The following ANO2 variants were observed in gnomAD, a reference collection of about 807,000 sequenced individuals.
ANO2 encodes the protein anoctamin-2.
In ANO2, 101 loss-of-function variants were observed where a neutral mutation model predicts 124.2. The observed-to-expected ratio is 0.81, with a 90% CI of 0.69 to 0.96. The LOEUF (loss-of-function observed/expected upper bound fraction) is 0.96. ANO2 is among the 40% of genes least tolerant of loss of function. The pLI is 0.00. For synonymous variants in ANO2, 486 were observed against 482.5 expected (o/e 1.01, Z -0.09); for missense variants, 1,293 against 1,274.5 (o/e 1.01, Z -0.22).
At chr12:5,740,145 G>A (rs989663076) in intron 12 of ANO2, 17 of 366,052 alleles carry the variant, frequency 4.6e-5, no homozygotes, top group African/African-American at 3.4e-4. Flanking sequence ...CTACAGCCAT[G>A]GTTTGTTATA....
At chr12:5,899,301 C>T (rs1384747593) in intron 3 of ANO2, among the ~76,000 whole-genome samples, 1 of 152,150 alleles carries the variant, frequency 6.6e-6, no homozygotes, top group Admixed American at 6.5e-5. Flanking sequence ...GTGCATGATT[C>T]CCATCTTCAG....
chr12:5,904,526 G>A lies in ANO2; in HGVS notation c.534+16514C>T, dbSNP rs561392376. Among the ~76,000 whole-genome samples, 247 of 152,284 alleles carry A rather than the reference G, an allele frequency of 1.6e-3. No individual in the cohort carries two copies. The highest frequency in any genetic ancestry group is 5.5e-3 in the African/African-American group (229 of 41,558). On this transcript the variant is annotated intron_variant, in intron 3 of 24. Coordinates refer to ENST00000682330, the MANE Select transcript of ANO2 (RefSeq NM_001364791.2). This position sits in a 1 kb window ranked among gnomAD's most constrained non-coding sequence, Gnocchi z 4.1. ...GATGCCTGTAGCACGAATGAGCGGC[G>A]CACACACCTGTGGGTTTATCCCAGT...
Position 5,635,466 on chromosome 12 carries a change from G to C in ANO2, c.1621-119C>G, listed in dbSNP as rs1945966325. ...TATTATTAATCTGGAATCTTTTGTTGGGTAACAAGGGATTCCAGATATTAT... is the reference window on the plus strand; with the variant it reads ...TATTATTAATCTGGAATCTTTTGTTCGGTAACAAGGGATTCCAGATATTAT... On this transcript the variant is annotated intron_variant, in intron 15 of 24. Coordinates refer to ENST00000682330, the MANE Select transcript of ANO2 (RefSeq NM_001364791.2). This position sits in a 1 kb window ranked among gnomAD's most constrained non-coding sequence, Gnocchi z 5.2. The C allele has an allele frequency of 1.2e-6, 1 of 831,402 alleles. No homozygotes were observed. Among genetic ancestry groups the C allele is most frequent in the Non-Finnish European group, 1.7e-6 (1 of 597,410 alleles). The allele number at this position is 831,402 out of a possible 1,614,324, so 51.5% of individuals were successfully genotyped here.
intron 4 of ANO2, among the ~76,000 whole-genome samples, chr12:5,849,024 T>C (rs1954780853): frequency 6.6e-6 from 1 of 152,236 alleles, no homozygotes; most frequent in Non-Finnish European, 1.5e-5. Context: ...CATGGAGCTC[T>C]GAGCCTGCTT....
At chr12:5,832,731 G>A (rs1954196315) in intron 4 of ANO2, 128 bp from the exon 5 acceptor site, 1 of 1,094,770 alleles carries the variant, frequency 9.1e-7, no homozygotes, top group East Asian at 2.6e-5. Context: ...GAGACTGGGA[G>A]AAACAAGAAG....
intron 7 of ANO2, among the ~76,000 whole-genome samples, chr12:5,814,682 G>T (rs1953547518): frequency 1.3e-5 from 2 of 152,332 alleles, no homozygotes; most frequent in South Asian, 4.1e-4. Flanking sequence ...CATTCCCCAG[G>T]TCCACAACAT....
At chr12:5,633,851 CAGT>C (rs1302042492) in intron 16 of ANO2, among the ~76,000 whole-genome samples, 3 of 152,140 alleles carry the variant, frequency 2.0e-5, no homozygotes, top group Non-Finnish European at 4.4e-5. Context: ...TCACTCCCTT[CAGT>C]GCCGTGTTTC....
chr12:5,919,750 T>G (rs1053617927), intron 3 of ANO2, among the ~76,000 whole-genome samples: 7 of 151,192 alleles, frequency 4.6e-5, no homozygotes, highest in Non-Finnish European at 7.4e-5. Context: ...CAGGCTGGAG[T>G]GCAGTGGCGC....
chr12:5,711,161 A>G (rs1236546502), intron 14 of ANO2, among the ~76,000 whole-genome samples: 1 of 151,848 alleles, frequency 6.6e-6, no homozygotes, highest in Non-Finnish European at 1.5e-5. Context: ...CTGTCTCAAA[A>G]AAAAAAAAAA....
At chr12:5,740,113 T>G (rs1452992278) in intron 12 of ANO2, 5 of 398,944 alleles carry the variant, frequency 1.3e-5, no homozygotes, top group African/African-American at 2.1e-5. Context: ...AGGAAGAACC[T>G]GATACCCCCA....
rs1312605956 is a variant in ANO2 at position 5,563,031 on chromosome 12, C to T, written c.*268G>A. On this transcript the variant is annotated 3_prime_UTR_variant, in exon 25 of 25. Transcript: ENST00000682330. ...CTGAGACTCTGGGGTGGAGAGACCC[C>T]AGTGGGGTTCCAATCCCTCAAAAGG... 2 of 502,646 alleles carry T rather than the reference C, an allele frequency of 4.0e-6. No individual in the cohort carries two copies. Among genetic ancestry groups the T allele is most frequent in the Non-Finnish European group, 7.1e-6 (2 of 282,902 alleles). 31.1% of individuals were successfully genotyped at this position (502,646 alleles called of 1,614,324 possible).
At chr12:5,874,359 C>T (rs79708426) in intron 3 of ANO2, among the ~76,000 whole-genome samples, 1,793 of 152,298 alleles carry the variant, frequency 0.012, 25 homozygotes, top group Non-Finnish European at 9.9e-3. Flanking sequence ...GGGGAAGTCA[C>T]GTCCCTTCCT....
intron 23 of ANO2, among the ~76,000 whole-genome samples, chr12:5,566,070 C>CGG (rs112635602): frequency 2.0e-4 from 31 of 151,988 alleles, no homozygotes; most frequent in African/African-American, 7.2e-4. Context: ...GCTCTGCAGC[C>CGG]GGGGGGGTTG....
In ANO2 at chr12:5,770,001, A is replaced by G. The variant is rs373388555; in HGVS notation, c.1056-19031T>C. Among the ~76,000 whole-genome samples the G allele has an allele frequency of 2.0e-4, 30 of 152,350 alleles. No homozygotes were observed. The East Asian group carries it at 5.4e-3, about 27-fold the overall frequency. On this transcript the variant is annotated intron_variant, in intron 10 of 24. Coordinates refer to ENST00000682330, the MANE Select transcript of ANO2 (RefSeq NM_001364791.2). Reference sequence around the variant, plus strand: ...CCCGAGAAGGAGAGATACTGTCTACATTTAATAGATGAGAGAATGGAAGCT... The same window carrying G: ...CCCGAGAAGGAGAGATACTGTCTACGTTTAATAGATGAGAGAATGGAAGCT...
intron 14 of ANO2, among the ~76,000 whole-genome samples, chr12:5,687,599 T>G (rs889309365): frequency 1.3e-5 from 2 of 152,270 alleles, no homozygotes; most frequent in African/African-American, 4.8e-5. Flanking sequence ...CTAGGCCAGA[T>G]GCTAGCAGCG....
rs1169373419 is a variant in ANO2, at chr12:5,662,467, T to C, written c.1546-14666A>G. Among the ~76,000 whole-genome samples the C allele has an allele frequency of 3.3e-5, 5 of 152,346 alleles. No homozygotes were observed. The South Asian group carries it at 1.0e-3, about 32-fold the overall frequency. On this transcript the variant is annotated intron_variant, in intron 14 of 24. Coordinates refer to ENST00000682330, the MANE Select transcript of ANO2 (RefSeq NM_001364791.2). ...GAAATCAATTTCACATGCACAATAA[T>C]GAGTCTTGCCAACAGCCATGTGCTC...
intron 3 of ANO2, 64 bp downstream of exon 3, chr12:5,920,976 C>G: frequency 6.5e-7 from 1 of 1,527,904 alleles, no homozygotes; most frequent in Non-Finnish European, 8.9e-7. Flanking sequence ...TGGCACTGCT[C>G]ACTAGGAGCC....
intron 9 of ANO2, among the ~76,000 whole-genome samples, chr12:5,803,585 C>G (rs1045828024): frequency 2.0e-5 from 3 of 152,086 alleles, no homozygotes; most frequent in African/African-American, 7.2e-5. Flanking sequence ...ATGGTGACAG[C>G]CACTTCTCTG....
In ANO2 at chr12:5,615,247, A is replaced by C. The variant is rs1944742497; in HGVS notation, c.1867T>G (p.Phe623Val). The change falls in exon 17 of 25, where the codon TTC (phenylalanine) becomes GTC (valine). Residue 623 changes from phenylalanine to valine, a missense_variant. Transcript: ENST00000682330. ...TFEERLILKA[F>V]LLKFVNAYSP... is the part of the protein sequence containing the mutation. ...TAGGCATTGACAAACTTGAGCAAGA[A>C]AGCTTTGAGGATCAGGCGCTCTTCA... is the stretch of plus-strand genomic sequence containing the variant. The C allele has an allele frequency of 6.2e-7, 1 of 1,613,706 alleles. No individual in the cohort carries two copies. Among genetic ancestry groups the C allele is most frequent in the Non-Finnish European group, 8.5e-7 (1 of 1,179,818 alleles).
Sources: allele counts gnomAD v4.1 joint callset (sites outside exome capture counted in the v4.1 genomes callset), GRCh38; gene constraint gnomAD v4.1.1; non-coding constraint Gnocchi (gnomAD v3.1); transcripts MANE v1.5; gene names NCBI Gene and HGNC (gene_info 2026-07-23, HGNC 2026-07-21).